Variants in MKRN2 observed in about 807,000 individuals in gnomAD.
MKRN2 encodes makorin ring finger protein 2, also known as E3 ubiquitin-protein ligase makorin-2.
MKRN2 carries 32 observed loss-of-function variants against 45.4 expected under a neutral mutation model. The ratio of observed to expected loss-of-function variants is 0.70; its 90% CI spans 0.53 to 0.95. The LOEUF (loss-of-function observed/expected upper bound fraction) is 0.95, where lower values mean the gene tolerates loss of function less well. Among genes scored for constraint, MKRN2 ranks in the 40% least tolerant of loss-of-function variants. MKRN2 has a pLI of 0.00. For missense variants in MKRN2, 526 were observed against 536.7 expected, an observed-to-expected ratio of 0.98 and a Z score of 0.20; for synonymous variants, 206 against 192.4, an observed-to-expected ratio of 1.07 and a Z score of -0.59.
intron 1 of MKRN2, among the ~76,000 whole-genome samples, chr3:12,564,700 C>T (rs1226358635): frequency 6.6e-6 from 1 of 152,138 alleles, no homozygotes; most frequent in Non-Finnish European, 1.5e-5. Flanking sequence ...CAAAGTTGTA[C>T]AACCATCACC....
chr3:12,578,253 G>T (rs534987213), intron 6 of MKRN2, among the ~76,000 whole-genome samples: 43 of 151,092 alleles, frequency 2.8e-4, no homozygotes, highest in African/African-American at 9.5e-4. Context: ...ATTTCCCCTT[G>T]GAGTTTTAGC....
chr3:12,562,644 T>C (rs2058045567), intron 1 of MKRN2, among the ~76,000 whole-genome samples: 1 of 152,150 alleles, frequency 6.6e-6, no homozygotes, highest in Non-Finnish European at 1.5e-5. Flanking sequence ...AGCAAAGCTT[T>C]ATCTGTGTTT....
intron 1 of MKRN2, among the ~76,000 whole-genome samples, chr3:12,565,927 A>G (rs192024808): frequency 6.6e-6 from 1 of 152,218 alleles, no homozygotes; most frequent in Admixed American, 6.5e-5. Context: ...GCTGGAGTAC[A>G]GTGGTGCAAA....
chr3:12,557,572 C>T (rs900175207), intron 1 of MKRN2, among the ~76,000 whole-genome samples: 7 of 152,202 alleles, frequency 4.6e-5, no homozygotes, highest in Non-Finnish European at 8.8e-5. Context: ...GGGGATACCA[C>T]ATAGGAGTAA....
At chr3:12,563,353 G>A (rs2058050709) in intron 1 of MKRN2, among the ~76,000 whole-genome samples, 1 of 152,128 alleles carries the variant, frequency 6.6e-6, no homozygotes, top group African/African-American at 2.4e-5. Context: ...AGGTGGAGAA[G>A]TCAGAGGTTT....
At chr3:12,567,549 C>T (rs7637892) in intron 1 of MKRN2, among the ~76,000 whole-genome samples, 4,490 of 142,156 alleles carry the variant, frequency 0.032, 234 homozygotes, top group African/African-American at 0.11. Flanking sequence ...AGTGCAATGG[C>T]GCAATCTCGG....
intron 1 of MKRN2, among the ~76,000 whole-genome samples, chr3:12,566,299 C>T (rs979130961): frequency 1.4e-4 from 21 of 152,158 alleles, no homozygotes; most frequent in African/African-American, 4.8e-4. Flanking sequence ...CCTGTGTTTC[C>T]CTTCTCTTAA....
intron 1 of MKRN2, among the ~76,000 whole-genome samples, chr3:12,558,239 A>G (rs2058000394): frequency 6.6e-6 from 1 of 152,214 alleles, no homozygotes; most frequent in South Asian, 2.1e-4. Context: ...CAATTTATCC[A>G]AGGCCCAGGT....
chr3:12,567,949 G>A (rs2058078862), intron 1 of MKRN2, among the ~76,000 whole-genome samples: 2 of 152,292 alleles, frequency 1.3e-5, no homozygotes, highest in South Asian at 4.1e-4. Context: ...GGAATATTCT[G>A]ATACAGAACA....
intron 4 of MKRN2, among the ~76,000 whole-genome samples, chr3:12,573,815 C>CA (rs1481171713): frequency 6.6e-6 from 1 of 151,998 alleles, no homozygotes; most frequent in Non-Finnish European, 1.5e-5. Flanking sequence ...ATAGTCTGAA[C>CA]CCAGGAGGTG....
At chr3:12,576,770 C>G (rs2442805) in intron 6 of MKRN2, 29 bp downstream of exon 6, 1 of 1,484,818 alleles carries the variant, frequency 6.7e-7, no homozygotes, top group Admixed American at 1.7e-5. Flanking sequence ...CGACGTGCCC[C>G]TGCTGCCTGC....
intron 2 of MKRN2, among the ~76,000 whole-genome samples, 194 bp from the exon 3 acceptor site, chr3:12,569,877 A>G (rs2058088471): frequency 1.3e-5 from 2 of 152,160 alleles, no homozygotes; most frequent in African/African-American, 2.4e-5. Flanking sequence ...ATAGATAGCA[A>G]ATGTCCCCCT....
Position 12,578,312 on chromosome 3 carries a change from C to CTTTT in MKRN2, c.968+1593_968+1596dup, listed in dbSNP as rs71063833. Among the ~76,000 whole-genome samples, 145 of 71,670 alleles carry CTTTT rather than the reference C, an allele frequency of 2.0e-3. 1 individual carries two copies. The highest frequency in any genetic ancestry group is 2.4e-3 in the Non-Finnish European group (96 of 39,840). The allele number at this position is 71,670 out of a possible 152,430, so 47.0% of individuals were successfully genotyped here. A position where few individuals can be genotyped will look rare whatever the true frequency, so the allele number is the denominator to read the frequency against. ...GCCTGCTCCAGGATAAGAGCTACTTCTTTTTTTTTTTTTTTTTTTTTTTTT... is the reference window on the plus strand; with the variant it reads ...GCCTGCTCCAGGATAAGAGCTACTTCTTTTTTTTTTTTTTTTTTTTTTTTTTTTT... On this transcript the variant is annotated intron_variant, in intron 6 of 7. Transcript: ENST00000170447.
intron 5 of MKRN2, 55 bp downstream of exon 5, chr3:12,575,061 A>C: frequency 6.5e-7 from 1 of 1,529,266 alleles, no homozygotes. Context: ...TTGATTTGAG[A>C]CTTTATTCCG....
chr3:12,566,042 T>G (rs969005457), intron 1 of MKRN2, among the ~76,000 whole-genome samples: 1 of 151,808 alleles, frequency 6.6e-6, no homozygotes, highest in African/African-American at 2.4e-5. Context: ...TTTATACAGA[T>G]TGGGTTTTGC....
intron 1 of MKRN2, among the ~76,000 whole-genome samples, chr3:12,559,335 C>G (rs971708656): frequency 6.6e-6 from 1 of 152,144 alleles, no homozygotes; most frequent in African/African-American, 2.4e-5. Flanking sequence ...TAACAAAAGC[C>G]TTGTCTCTAG....
chr3:12,576,221 G>A (rs1440555476), intron 5 of MKRN2, among the ~76,000 whole-genome samples: 1 of 149,446 alleles, frequency 6.7e-6, no homozygotes, highest in African/African-American at 2.5e-5. Context: ...GTGTGTGTGT[G>A]TGTGTGTGTA....
chr3:12,576,229 G>GTA (rs1484815224), intron 5 of MKRN2, among the ~76,000 whole-genome samples: 1 of 136,570 alleles, frequency 7.3e-6, no homozygotes, highest in Non-Finnish European at 1.6e-5. Context: ...GTGTGTGTGT[G>GTA]TATTTTTTTT....
intron 1 of MKRN2, among the ~76,000 whole-genome samples, chr3:12,568,130 A>T (rs891861459): frequency 3.3e-5 from 5 of 152,194 alleles, no homozygotes; most frequent in Non-Finnish European, 7.3e-5. Flanking sequence ...GTGTTAGATG[A>T]TTTGGCCCAA....
Sources: gnomAD v4.1 joint callset for allele counts (sites outside exome capture counted in the v4.1 genomes callset) on GRCh38, gnomAD v4.1.1 for gene constraint, MANE v1.5 for transcripts, NCBI Gene and HGNC (gene_info 2026-07-23, HGNC 2026-07-21) for gene names.